The following ZSCAN5A variants were observed in gnomAD, a reference collection of about 807,000 sequenced individuals.
ZSCAN5A encodes the protein zinc finger and SCAN domain-containing protein 5A.
In ZSCAN5A, 12 loss-of-function variants were observed where a neutral mutation model predicts 23.7. The ratio of observed to expected loss-of-function variants is 0.51; its 90% confidence interval spans 0.32 to 0.82. ZSCAN5A has a LOEUF of 0.82. Among genes scored for constraint, ZSCAN5A ranks in the 40% least tolerant of loss-of-function variants. The probability of loss-of-function intolerance (pLI) is 0.03; values close to 1 mark genes in which losing one functional copy is unlikely to be tolerated. For synonymous variants in ZSCAN5A, 257 were observed against 239.9 expected (o/e 1.07, Z -0.66); for missense variants, 597 against 617.9 (o/e 0.97, Z 0.36).
chr19:56,346,409 T>C (rs1279485909), intron 2 of ZSCAN5A, among the ~76,000 whole-genome samples: 1 of 151,882 alleles, frequency 6.6e-6, no homozygotes, highest in Non-Finnish European at 1.5e-5. Context: ...CTCTCTACCA[T>C]TAGGGGAGCA....
intron 2 of ZSCAN5A, among the ~76,000 whole-genome samples, chr19:56,334,180 G>A (rs2041514568): frequency 6.6e-6 from 1 of 152,180 alleles, no homozygotes; most frequent in East Asian, 1.9e-4. Context: ...ACTAGCCATG[G>A]AGATCAGATA....
Position 56,237,322 on chromosome 19 carries a change from T to C in ZSCAN5A, c.-127-12149A>G, listed in dbSNP as rs1298529304. On this transcript the variant is annotated intron_variant, in intron 2 of 5. Transcript: ENST00000683990. ...GCGGCGGTGCTTTCAGCTGTGCACA[T>C]TGCTGAGGAGGATCCACACCGCCAT... Among the ~76,000 whole-genome samples, 4 of 152,098 alleles carry C rather than the reference T, an allele frequency of 2.6e-5. 1 individual carries two copies. Among genetic ancestry groups the C allele is most frequent in the Non-Finnish European group, 1.5e-5 (1 of 68,014 alleles).
intron 2 of ZSCAN5A, among the ~76,000 whole-genome samples, chr19:56,309,314 G>A (rs901863735): frequency 1.3e-5 from 2 of 149,632 alleles, no homozygotes; most frequent in Non-Finnish European, 3.0e-5. Flanking sequence ...GGAACAAGGG[G>A]AGTGACTGCT....
rs147221839 is a variant in ZSCAN5A at position 56,289,760 on chromosome 19, C to G, written c.-128+23523G>C. Among the ~76,000 whole-genome samples, 681 of 152,208 alleles carry G rather than the reference C, an allele frequency of 4.5e-3. 8 individuals are homozygous for G. Among genetic ancestry groups the G allele is most frequent in the African/African-American group, 0.016 (654 of 41,530 alleles). ...TCCTGAGTAGCTGAGACTACAGGTG[C>G]ACACCACCATACCCAGCTAATATTT... On this transcript the variant is annotated intron_variant, in intron 2 of 5. Coordinates refer to ENST00000683990, the MANE Select transcript of ZSCAN5A (RefSeq NM_001322064.3).
At chr19:56,238,026 A>ACCTACACAC (rs2035106754) in intron 2 of ZSCAN5A, among the ~76,000 whole-genome samples, 1 of 1,364 alleles carries the variant, frequency 7.3e-4, no homozygotes, top group African/African-American at 2.3e-3. Flanking sequence ...TCAAAGAAAC[A>ACCTACACAC]AAAAGCAAGC....
chr19:56,267,215 G>T (rs2037539544), intron 2 of ZSCAN5A, among the ~76,000 whole-genome samples: 1 of 152,094 alleles, frequency 6.6e-6, no homozygotes, highest in South Asian at 2.1e-4. Context: ...ACCAGTACAT[G>T]AAATTATATA....
intron 2 of ZSCAN5A, among the ~76,000 whole-genome samples, chr19:56,262,415 T>TTTTTTTTG (rs1555799483): frequency 4.0e-5 from 6 of 151,742 alleles, no homozygotes; most frequent in African/African-American, 1.5e-4. Flanking sequence ...TCTAATTTTT[T>TTTTTTTTG]TTTTTTTGTT....
At chr19:56,303,544 G>A (rs991727492) in intron 2 of ZSCAN5A, among the ~76,000 whole-genome samples, 1 of 151,828 alleles carries the variant, frequency 6.6e-6, no homozygotes, top group African/African-American at 2.4e-5. Flanking sequence ...CAAGACGGAA[G>A]GGAAGGAGGG....
intron 2 of ZSCAN5A, among the ~76,000 whole-genome samples, chr19:56,257,996 A>G (rs1200432798): frequency 1.0e-5 from 1 of 98,528 alleles, no homozygotes; most frequent in East Asian, 2.7e-4. Flanking sequence ...GCGCCGGGAG[A>G]CTGCAAGCCT....
chr19:56,229,533 T>C (rs991341893), intron 2 of ZSCAN5A, among the ~76,000 whole-genome samples: 4 of 152,250 alleles, frequency 2.6e-5, no homozygotes, highest in Non-Finnish European at 5.9e-5. Flanking sequence ...GAGTTAAGAA[T>C]GGAATTATTC....
intron 2 of ZSCAN5A, chr19:56,342,956 C>T: frequency 1.0e-6 from 1 of 998,098 alleles, no homozygotes; most frequent in South Asian, 1.3e-5. Flanking sequence ...GTTATTCTTG[C>T]CCATTTTCAA....
At chr19:56,298,748 CAA>C (rs960963770) in intron 2 of ZSCAN5A, among the ~76,000 whole-genome samples, 1 of 151,920 alleles carries the variant, frequency 6.6e-6, no homozygotes, top group African/African-American at 2.4e-5. Flanking sequence ...CTTTCAGGAT[CAA>C]GTTAGCTTTA....
intron 2 of ZSCAN5A, among the ~76,000 whole-genome samples, chr19:56,323,116 G>C (rs1035215720): frequency 9.9e-5 from 15 of 151,964 alleles, no homozygotes; most frequent in African/African-American, 3.1e-4. Flanking sequence ...GGATGGTCTC[G>C]ATCTCCTGAT....
At chr19:56,339,274 A>C (rs12971748) in intron 2 of ZSCAN5A, among the ~76,000 whole-genome samples, 1 of 147,126 alleles carries the variant, frequency 6.8e-6, no homozygotes, top group African/African-American at 2.6e-5. Context: ...AGCTGTAGCC[A>C]TATTTAGCAA....
At chr19:56,286,640 T>A (rs968373994) in intron 2 of ZSCAN5A, 2 of 152,242 alleles carry the variant, frequency 1.3e-5, no homozygotes, top group Non-Finnish European at 2.9e-5. Context: ...TTGTTCCCGC[T>A]GTTCGGTGGA....
chr19:56,296,568 C>G (rs569010682), intron 2 of ZSCAN5A, among the ~76,000 whole-genome samples: 1 of 152,106 alleles, frequency 6.6e-6, no homozygotes, highest in African/African-American at 2.4e-5. Flanking sequence ...AAATGTTATT[C>G]TAGGTGTTAG....
At chr19:56,263,928 A>C (rs929278790) in intron 2 of ZSCAN5A, among the ~76,000 whole-genome samples, 53 of 151,844 alleles carry the variant, frequency 3.5e-4, no homozygotes, top group African/African-American at 1.3e-3. Flanking sequence ...TCCCCCTAAA[A>C]GTCTATGATT....
At chr19:56,257,670 A>G (rs939933268) in intron 2 of ZSCAN5A, among the ~76,000 whole-genome samples, 7 of 141,340 alleles carry the variant, frequency 5.0e-5, no homozygotes, top group Admixed American at 2.8e-4. Context: ...CCTGCCTCCC[A>G]CCACTGCCCA....
chr19:56,274,051 A>ATGGGTCAGATGCTGGTGGT (rs1568679385), intron 2 of ZSCAN5A, among the ~76,000 whole-genome samples: 1 of 152,138 alleles, frequency 6.6e-6, no homozygotes, highest in Non-Finnish European at 1.5e-5. Context: ...GGATTGAGTG[A>ATGGGTCAGATGCTGGTGGT]TGGGTCAGAT....
Sources: allele counts gnomAD v4.1 joint callset (sites outside exome capture counted in the v4.1 genomes callset), GRCh38; gene constraint gnomAD v4.1.1; transcripts MANE v1.5; gene names NCBI Gene and HGNC (gene_info 2026-07-23, HGNC 2026-07-21).